Variants in NRG4 observed in about 807,000 individuals in gnomAD.
NRG4 encodes pro-neuregulin-4, membrane-bound isoform.
A neutral mutation model predicts 15.0 loss-of-function variants in NRG4; 10 were observed. The observed-to-expected ratio is 0.67, with a 90% confidence interval of 0.41 to 1.13. NRG4 has a LOEUF of 1.13. Among genes scored for constraint, NRG4 ranks in the 50% most tolerant of loss-of-function variants. The pLI is 0.00. For synonymous variants in NRG4, 41 were observed against 50.1 expected (o/e 0.82, Z 0.77); for missense variants, 139 against 140.2 (o/e 0.99, Z 0.04).
At chr15:75,938,643 G>A (rs763424638), downstream of NRG4, 4 of 152,164 alleles carry the variant, frequency 2.6e-5, no homozygotes, top group Non-Finnish European at 4.4e-5. Flanking sequence ...CACTACAGGG[G>A]TTCAGCAGCA....
chr15:75,954,087 C>T (rs1157051068), intron 5 of NRG4, among the ~76,000 whole-genome samples: 1 of 152,134 alleles, frequency 6.6e-6, no homozygotes, highest in Non-Finnish European at 1.5e-5. Flanking sequence ...TTATCTCCTT[C>T]AGGGACTCAA....
At chr15:76,018,337 CAA>C (rs2035050497) in intron 5 of NRG4, among the ~76,000 whole-genome samples, 1 of 152,140 alleles carries the variant, frequency 6.6e-6, no homozygotes, top group African/African-American at 2.4e-5. Flanking sequence ...GTCGATTTGT[CAA>C]ACTCATTCTC....
At chr15:76,014,929 T>C (rs973315578), upstream of NRG4, among the ~76,000 whole-genome samples, 2 of 152,190 alleles carry the variant, frequency 1.3e-5, no homozygotes, top group African/African-American at 4.8e-5. Context: ...CTAAATTACT[T>C]TGGGCAGTAT....
chr15:75,949,279 C>T (rs946282329), intron 5 of NRG4, among the ~76,000 whole-genome samples: 1 of 151,762 alleles, frequency 6.6e-6, no homozygotes, highest in Non-Finnish European at 1.5e-5. Flanking sequence ...GGTGTAGTGG[C>T]ACATGTGTGT....
In NRG4 at chr15:76,049,704, A is replaced by G. The variant is rs759731497; in HGVS notation, c.-105+2363T>C. 3.2e-4 allele frequency among the ~76,000 whole-genome samples: 49 copies of G among 151,060 alleles called. 1 individual carries two copies. Among genetic ancestry groups the G allele is most frequent in the Non-Finnish European group, 4.3e-4 (29 of 67,900 alleles). On this transcript the variant is annotated intron_variant, in intron 4 of 8. Transcript: ENST00000563910. ...TTTCTCTGACTCAGTAGAAAGAACA[A>G]CAGCCCTTTCCTTGCTCCTACATGA... is the stretch of plus-strand genomic sequence containing the variant.
At chr15:75,956,707 GGT>G (rs2141801723) in intron 4 of NRG4, among the ~76,000 whole-genome samples, 1 of 152,026 alleles carries the variant, frequency 6.6e-6, no homozygotes, top group African/African-American at 2.4e-5. Flanking sequence ...GCATTAGTGG[GGT>G]ATCATTTTGG....
intron 4 of NRG4, among the ~76,000 whole-genome samples, chr15:76,046,724 T>C (rs990353327): frequency 1.3e-5 from 2 of 151,040 alleles, no homozygotes; most frequent in Admixed American, 6.6e-5. Context: ...GAAGAAAACA[T>C]TGGAGAGATG....
chr15:75,980,383 AT>A (rs5813815), intron 3 of NRG4, among the ~76,000 whole-genome samples: 104,667 of 142,296 alleles, frequency 0.74, 39,512 homozygotes, highest in South Asian at 0.88. Context: ...TTCTTTGGGG[AT>A]TTTTTTTTTT....
upstream of NRG4, among the ~76,000 whole-genome samples, chr15:76,012,608 T>TA (rs1224083585): frequency 6.6e-6 from 1 of 152,200 alleles, no homozygotes; most frequent in Non-Finnish European, 1.5e-5. Flanking sequence ...GTCCACGTTT[T>TA]AAAGGTAAAA....
chr15:75,972,212 G>A (rs2033129206), intron 3 of NRG4, among the ~76,000 whole-genome samples: 1 of 151,990 alleles, frequency 6.6e-6, no homozygotes, highest in East Asian at 1.9e-4. Flanking sequence ...TTTTTGATGG[G>A]GTTGTTGGTT....
chr15:75,966,961 A>C (rs975071714), intron 3 of NRG4, among the ~76,000 whole-genome samples: 5 of 151,950 alleles, frequency 3.3e-5, no homozygotes, highest in Non-Finnish European at 7.4e-5. Flanking sequence ...CTGAAAATAC[A>C]AAAATTAGCC....
intron 1 of NRG4, among the ~76,000 whole-genome samples, chr15:76,011,621 C>A (rs1472975570): frequency 2.0e-5 from 3 of 152,104 alleles, no homozygotes; most frequent in Non-Finnish European, 4.4e-5. Flanking sequence ...TGGAATTTTA[C>A]ATGAACGATG....
chr15:75,955,989 T>C lies in NRG4; in HGVS notation c.274A>G (p.Ser92Gly). The C allele has an allele frequency of 1.2e-6, 2 of 1,611,256 alleles. No individual in the cohort carries two copies. Among genetic ancestry groups the C allele is most frequent in the Non-Finnish European group, 1.7e-6 (2 of 1,177,442 alleles). Residue 92 changes from serine (S) to glycine (G), a missense_variant, in exon 5 of 6, where the codon AGT becomes GGT. Physicochemically the swap from Ser to Gly is moderately conservative, Grantham distance 56 (BLOSUM62 0). Transcript: ENST00000394907. ...LCRKGHFQRASSVQYDINLVE... is the reference protein window; with the variant it reads ...LCRKGHFQRAGSVQYDINLVE... ...AGGTTGATATCATACTGGACTGAAC[T>C]GGCTCTCTGAAAGTGGCCTTTCCTG... is the stretch of plus-strand genomic sequence containing the variant.
chr15:75,948,370 G>T (rs2031663659), intron 5 of NRG4, among the ~76,000 whole-genome samples: 1 of 151,494 alleles, frequency 6.6e-6, no homozygotes, highest in Non-Finnish European at 1.5e-5. Context: ...CGTGATCTCG[G>T]CTCACTTCAT....
chr15:75,950,081 T>C (rs1173259551), intron 5 of NRG4, among the ~76,000 whole-genome samples: 2 of 152,230 alleles, frequency 1.3e-5, no homozygotes, highest in African/African-American at 4.8e-5. Context: ...CCTTACAATA[T>C]TGAATCTTCC....
Position 75,977,442 on chromosome 15 carries a change from G to A in NRG4, c.105-15468C>T, listed in dbSNP as rs371310893. Among the ~76,000 whole-genome samples, 2 of 152,300 alleles carry A rather than the reference G, an allele frequency of 1.3e-5. No homozygotes were observed. Among genetic ancestry groups the A allele is most frequent in the East Asian group, 3.9e-4 (2 of 5,180 alleles). On this transcript the variant is annotated intron_variant, in intron 3 of 5. Coordinates refer to ENST00000394907, the MANE Select transcript of NRG4 (RefSeq NM_138573.4). This position sits in a 1 kb window ranked among gnomAD's most constrained non-coding sequence, Gnocchi z 4.9. Reference sequence around the variant, plus strand: ...TTTTGTGCTTGAAATCCAGGGCCCTGGTGGTGTAGGCACCCGAGGGAATCT... The same window carrying A: ...TTTTGTGCTTGAAATCCAGGGCCCTAGTGGTGTAGGCACCCGAGGGAATCT...
intron 3 of NRG4, among the ~76,000 whole-genome samples, chr15:76,004,051 G>T (rs2034506525): frequency 6.6e-6 from 1 of 152,148 alleles, no homozygotes; most frequent in Admixed American, 6.5e-5. Flanking sequence ...CATAATTTAA[G>T]AGATTAATGT....
At chr15:76,018,046 T>A (rs1382791081) in intron 5 of NRG4, among the ~76,000 whole-genome samples, 1 of 152,202 alleles carries the variant, frequency 6.6e-6, no homozygotes, top group Non-Finnish European at 1.5e-5. Context: ...TTTTCTCTAA[T>A]CTTGTCTTCA....
intron 3 of NRG4, among the ~76,000 whole-genome samples, chr15:75,988,478 C>T (rs1374009041): frequency 2.0e-5 from 3 of 152,170 alleles, no homozygotes; most frequent in Middle Eastern, 3.2e-3. Context: ...TGAGCCACCA[C>T]GTCCAGCCTA....
Sources: allele counts gnomAD v4.1 joint callset (sites outside exome capture counted in the v4.1 genomes callset), GRCh38; gene constraint gnomAD v4.1.1; non-coding constraint Gnocchi (gnomAD v3.1); transcripts MANE v1.5; gene names NCBI Gene and HGNC (gene_info 2026-07-23, HGNC 2026-07-21).